The following NPEPPS variants were observed in gnomAD, a reference collection of about 807,000 sequenced individuals.
The protein encoded by NPEPPS is puromycin-sensitive aminopeptidase.
In NPEPPS, 14 loss-of-function variants were observed where a neutral mutation model predicts 115.5. The observed-to-expected ratio is 0.12, with a 90% CI of 0.08 to 0.19. NPEPPS has a LOEUF of 0.19. Ranked by LOEUF, NPEPPS falls within the 10% of genes least tolerant of loss-of-function variation. The pLI, the probability that NPEPPS is intolerant of heterozygous loss-of-function variation, is 1.00. For synonymous variants in NPEPPS, 285 were observed against 390.6 expected, an observed-to-expected ratio of 0.73 and a Z score of 3.19; for missense variants, 523 against 1,110.8, an observed-to-expected ratio of 0.47 and a Z score of 7.52.
intron 1 of NPEPPS, among the ~76,000 whole-genome samples, chr17:47,542,017 A>C (rs534666780): frequency 2.0e-5 from 3 of 152,268 alleles, no homozygotes; most frequent in East Asian, 3.9e-4. Flanking sequence ...ATCATGTTTA[A>C]ATATGTATTG....
intron 18 of NPEPPS, among the ~76,000 whole-genome samples, chr17:47,612,877 C>T (rs1442881989): frequency 2.6e-5 from 4 of 151,908 alleles, no homozygotes; most frequent in Admixed American, 6.6e-5. Context: ...TGGCCAGGCT[C>T]GTCTCGAACT....
chr17:47,572,884 T>G (rs932498516), intron 3 of NPEPPS, among the ~76,000 whole-genome samples: 80 of 152,306 alleles, frequency 5.3e-4, no homozygotes, highest in African/African-American at 1.8e-3. Context: ...CCAGTGATTC[T>G]CCTGCCTCAG....
At chr17:47,537,884 TTTTTTTTTTTC>T (rs979132479) in intron 1 of NPEPPS, among the ~76,000 whole-genome samples, 32 of 147,272 alleles carry the variant, frequency 2.2e-4, no homozygotes, top group East Asian at 1.2e-3. Context: ...TTCATATCTG[TTTTTTTTTTTC>T]TTTTTTTTTT....
In NPEPPS at chr17:47,596,145, C is replaced by T. The variant is rs1005838981; in HGVS notation, c.1427-208C>T. 56 of 429,724 alleles carry T rather than the reference C, an allele frequency of 1.3e-4. 2 individuals are homozygous for T. The highest frequency in any genetic ancestry group is 1.3e-3 in the South Asian group (50 of 38,776). 26.6% of individuals were successfully genotyped at this position (429,724 alleles called of 1,614,324 possible). On this transcript the variant is annotated intron_variant, in intron 12 of 22. Coordinates refer to ENST00000322157, the MANE Select transcript of NPEPPS (RefSeq NM_006310.4). ...TCTAGCCTGGGTGATGAAGTAAGAC[C>T]GTATCTCAAAAAATACCAGTTTTTA...
chr17:47,592,781 A>C, intron 12 of NPEPPS: 1 of 400,876 alleles, frequency 2.5e-6, no homozygotes, highest in Non-Finnish European at 4.7e-6. Flanking sequence ...TTAAAGTTCT[A>C]GGGTGCATGT....
At chr17:47,619,846 T>C in intron 22 of NPEPPS, 62 bp downstream of exon 22, 1 of 1,257,312 alleles carries the variant, frequency 8.0e-7, no homozygotes. Context: ...ATAACCTGGT[T>C]GTAATTATAG....
chr17:47,590,554 C>G (rs891854986), intron 9 of NPEPPS, among the ~76,000 whole-genome samples, 163 bp from the exon 10 acceptor site: 7 of 151,948 alleles, frequency 4.6e-5, no homozygotes, highest in African/African-American at 9.7e-5. Flanking sequence ...TTAGTCTTCT[C>G]TCTTTTTCAG....
chr17:47,582,608 T>C (rs1229247588), intron 4 of NPEPPS, 134 bp from the exon 5 acceptor site: 1 of 709,648 alleles, frequency 1.4e-6, no homozygotes, highest in South Asian at 1.5e-5. Context: ...GCCTGGCTTG[T>C]TGCCTGGCAC....
chr17:47,536,394 T>C (rs1324642269), intron 1 of NPEPPS, among the ~76,000 whole-genome samples: 1 of 146,826 alleles, frequency 6.8e-6, no homozygotes, highest in Non-Finnish European at 1.5e-5. Context: ...CTCTCTTTTT[T>C]TTTTTTTTTT....
chr17:47,526,013 T>C (rs1907416319), intron 1 of NPEPPS, among the ~76,000 whole-genome samples: 1 of 151,916 alleles, frequency 6.6e-6, no homozygotes, highest in African/African-American at 2.4e-5. Flanking sequence ...GAGTTTGAGA[T>C]CAGCCTGACC....
intron 22 of NPEPPS, among the ~76,000 whole-genome samples, chr17:47,620,766 C>T (rs1034423102): frequency 6.6e-6 from 1 of 152,182 alleles, no homozygotes; most frequent in African/African-American, 2.4e-5. Flanking sequence ...AGGAAAAGCC[C>T]TATCATTTTG....
chr17:47,524,428 A>G (rs1189479441), intron 1 of NPEPPS, among the ~76,000 whole-genome samples: 1 of 152,064 alleles, frequency 6.6e-6, no homozygotes, highest in Non-Finnish European at 1.5e-5. Flanking sequence ...GATTCAAGGA[A>G]TCCTCCCACT....
chr17:47,605,251 A>G (rs1438380454), intron 16 of NPEPPS, 82 bp from the exon 17 acceptor site: 16 of 908,994 alleles, frequency 1.8e-5, no homozygotes, highest in Non-Finnish European at 2.5e-5. Flanking sequence ...AATTGCTAGC[A>G]GTAGATAATG....
At chr17:47,614,375 C>T (rs145647041) in intron 19 of NPEPPS, among the ~76,000 whole-genome samples, 1 of 152,216 alleles carries the variant, frequency 6.6e-6, no homozygotes, top group African/African-American at 2.4e-5. Flanking sequence ...TTAAGCAAAA[C>T]GTTTGTTTCT....
At chr17:47,597,335 C>T (rs1031437650) in intron 13 of NPEPPS, among the ~76,000 whole-genome samples, 1 of 152,096 alleles carries the variant, frequency 6.6e-6, no homozygotes, top group South Asian at 2.1e-4. Context: ...CCTTTAATGC[C>T]TACCAAAAAG....
intron 2 of NPEPPS, among the ~76,000 whole-genome samples, chr17:47,562,390 T>C (rs181344317): frequency 1.3e-5 from 2 of 152,352 alleles, no homozygotes; most frequent in East Asian, 3.9e-4. Context: ...TGGTATCGTC[T>C]GCAGAACTGA....
At chr17:47,555,293 A>T (rs1167904427) in intron 2 of NPEPPS, among the ~76,000 whole-genome samples, 1 of 152,008 alleles carries the variant, frequency 6.6e-6, no homozygotes, top group Non-Finnish European at 1.5e-5. Context: ...TTTGCATTAA[A>T]TGTAGAGAAA....
chr17:47,544,552 T>A (rs1013498853), intron 1 of NPEPPS, among the ~76,000 whole-genome samples: 43 of 144,396 alleles, frequency 3.0e-4, no homozygotes, highest in African/African-American at 9.3e-4. Flanking sequence ...TTATTTATTT[T>A]GAGATAGAGT....
intron 2 of NPEPPS, among the ~76,000 whole-genome samples, chr17:47,560,347 G>C (rs1476593399): frequency 6.6e-6 from 1 of 152,140 alleles, no homozygotes; most frequent in Non-Finnish European, 1.5e-5. Flanking sequence ...TTAAGAGCAG[G>C]GGCACCCTAG....
Sources: gnomAD v4.1 joint callset for allele counts (sites outside exome capture counted in the v4.1 genomes callset) on GRCh38, gnomAD v4.1.1 for gene constraint, MANE v1.5 for transcripts, NCBI Gene and HGNC (gene_info 2026-07-23, HGNC 2026-07-21) for gene names.